The following NRG1 variants were observed in gnomAD, a reference collection of about 807,000 sequenced individuals.
The protein encoded by NRG1 is neuregulin 1.
Under a neutral mutation model 63.8 loss-of-function variants are expected in NRG1, and 18 were observed. The ratio of observed to expected loss-of-function variants is 0.28; its 90% CI spans 0.19 to 0.42. The LOEUF is 0.42. NRG1 is among the 10% of genes least tolerant of loss of function. The pLI, the probability that NRG1 is intolerant of heterozygous loss-of-function variation, is 1.00. For missense variants in NRG1, 762 were observed against 814.7 expected, an observed-to-expected ratio of 0.94 and a Z score of 0.79; for synonymous variants, 302 against 301.3, an observed-to-expected ratio of 1.00 and a Z score of -0.02.
intron 7 of NRG1, among the ~76,000 whole-genome samples, chr8:32,751,814 C>A (rs1828791788): frequency 6.6e-6 from 1 of 152,112 alleles, no homozygotes; most frequent in Non-Finnish European, 1.5e-5. Context: ...AGAAAGAATG[C>A]ACCCGTCATC....
At chr8:31,880,422 G>A (rs534854245) in intron 1 of NRG1, among the ~76,000 whole-genome samples, 28 of 152,182 alleles carry the variant, frequency 1.8e-4, no homozygotes, top group Non-Finnish European at 3.1e-4. Flanking sequence ...CTTACCAGCC[G>A]TGTGATTTTA....
At position 32,507,818 on chromosome 8, in the gene NRG1, C is replaced by A. The variant is rs370115233; in HGVS notation, c.38-88010C>A. 2.3e-4 allele frequency among the ~76,000 whole-genome samples: 35 copies of A among 152,202 alleles called. No homozygotes were observed. The East Asian group carries it at 6.6e-3, about 29-fold the overall frequency. Reference sequence around the variant, plus strand: ...GTTCAAGCAATTCTCATGCCTCAGCCTCCCAAGTAGCTGGGATTACAGGCA... The same window carrying A: ...GTTCAAGCAATTCTCATGCCTCAGCATCCCAAGTAGCTGGGATTACAGGCA... On this transcript the variant is annotated intron_variant, in intron 1 of 10. Transcript: ENST00000519301.
chr8:32,603,083 A>G (rs1844649327), intron 2 of NRG1, among the ~76,000 whole-genome samples: 1 of 152,224 alleles, frequency 6.6e-6, no homozygotes, highest in East Asian at 1.9e-4. Flanking sequence ...AAGCTTTCCT[A>G]TGAATAATGT....
rs1227536899 is a variant in NRG1, at chr8:32,170,691, GGGATA to G, written c.38-425134_38-425130del. On this transcript the variant is annotated intron_variant, in intron 1 of 10. Transcript: ENST00000519301. ...CTATTTAAGGTGTTCAACTAACTTA[GGGATA>G]GGTTGATGGCCAAACAAAGAAGGTT... Among the ~76,000 whole-genome samples, 8 of 152,180 alleles carry G rather than the reference GGGATA, an allele frequency of 5.3e-5. No homozygotes were observed. In the South Asian group the frequency reaches 1.4e-3, roughly 28 times the overall value.
chr8:32,121,874 A>G (rs930636206), intron 1 of NRG1, among the ~76,000 whole-genome samples: 1 of 152,088 alleles, frequency 6.6e-6, no homozygotes, highest in Admixed American at 6.6e-5. Flanking sequence ...AAATATAGAC[A>G]GAGAAAAGGG....
Position 32,272,604 on chromosome 8 carries a change from A to G in NRG1, c.38-323224A>G, listed in dbSNP as rs577378714. Among the ~76,000 whole-genome samples, 6 of 152,288 alleles carry G rather than the reference A, an allele frequency of 3.9e-5. No homozygotes were observed. The East Asian group carries it at 9.7e-4, about 25-fold the overall frequency. ...CCAGGAGACAACTGAGAGGACACTGAGTTTAGAACATTGGATCAGGCATTG... is the reference window on the plus strand; with the variant it reads ...CCAGGAGACAACTGAGAGGACACTGGGTTTAGAACATTGGATCAGGCATTG... On this transcript the variant is annotated intron_variant, in intron 1 of 10. Coordinates refer to the NRG1 transcript ENST00000519301.
intron 1 of NRG1, among the ~76,000 whole-genome samples, chr8:32,302,123 A>G (rs1208425311): frequency 2.0e-5 from 3 of 152,194 alleles, no homozygotes; most frequent in African/African-American, 7.2e-5. Context: ...AAGATGGATT[A>G]GGTAGACCTC....
chr8:32,762,948 C>T (rs1243065562), intron 11 of NRG1, among the ~76,000 whole-genome samples: 1 of 152,090 alleles, frequency 6.6e-6, no homozygotes, highest in East Asian at 1.9e-4. Context: ...CTTGAGGCAT[C>T]ATGAAAGAGA....
chr8:31,858,123 C>A (rs867232646), intron 1 of NRG1, among the ~76,000 whole-genome samples: 1 of 152,090 alleles, frequency 6.6e-6, no homozygotes, highest in Non-Finnish European at 1.5e-5. Flanking sequence ...CACAGTGAAA[C>A]CCTGTCTGTA....
chr8:32,079,392 A>G (rs1827105684), intron 1 of NRG1, among the ~76,000 whole-genome samples: 1 of 152,132 alleles, frequency 6.6e-6, no homozygotes, highest in Admixed American at 6.6e-5. Context: ...ACTTTACATA[A>G]ATTACTCCTA....
intron 1 of NRG1, among the ~76,000 whole-genome samples, chr8:31,771,727 G>A (rs186872217): frequency 2.6e-5 from 4 of 152,290 alleles, no homozygotes; most frequent in African/African-American, 9.6e-5. Context: ...CATGGCTATA[G>A]TTTCAGAATT....
At chr8:31,851,742 A>G (rs1416745708) in intron 1 of NRG1, among the ~76,000 whole-genome samples, 2 of 141,404 alleles carry the variant, frequency 1.4e-5, no homozygotes, top group East Asian at 2.2e-4. Flanking sequence ...ATATCTCCCA[A>G]TGCCATCCCT....
chr8:31,829,162 T>G (rs188765427), intron 1 of NRG1, among the ~76,000 whole-genome samples: 8 of 152,212 alleles, frequency 5.3e-5, no homozygotes, highest in Middle Eastern at 3.2e-3. Flanking sequence ...CTTCTAGAAT[T>G]GTCTTAATGC....
At chr8:32,461,091 C>T (rs1439409502) in intron 1 of NRG1, among the ~76,000 whole-genome samples, 4 of 152,048 alleles carry the variant, frequency 2.6e-5, no homozygotes, top group Admixed American at 6.6e-5. Flanking sequence ...TTTCTCTATT[C>T]TCAGTAAAAT....
At chr8:32,547,075 CAAG>C (rs983918411), upstream of NRG1, among the ~76,000 whole-genome samples, 6 of 152,312 alleles carry the variant, frequency 3.9e-5, no homozygotes, top group Admixed American at 3.9e-4. Flanking sequence ...GACCACAACA[CAAG>C]AGTATTTCAC....
intron 1 of NRG1, among the ~76,000 whole-genome samples, chr8:31,643,412 C>A (rs1269909061): frequency 1.3e-5 from 2 of 152,246 alleles, no homozygotes; most frequent in African/African-American, 4.8e-5. Flanking sequence ...ACACATGCAA[C>A]AGATTAGCCT....
Position 32,725,464 on chromosome 8 carries a change from A to ATTTTTTTTTTTTTTTTTTTTTTTT in NRG1, c.503-2479_503-2456dup, listed in dbSNP as rs71209904. Among the ~76,000 whole-genome samples the ATTTTTTTTTTTTTTTTTTTTTTTT allele has an allele frequency of 4.4e-5, 3 of 67,582 alleles. 1 individual carries two copies. The highest frequency in any genetic ancestry group is 1.3e-3 in the East Asian group (2 of 1,574). 44.3% of individuals were successfully genotyped at this position (67,582 alleles called of 152,430 possible). A position where few individuals can be genotyped will look rare whatever the true frequency, so the allele number is the denominator to read the frequency against. On this transcript the variant is annotated intron_variant, in intron 5 of 11. Coordinates refer to ENST00000356819, the Ensembl canonical transcript of NRG1. ...TTTAACATTCGAGGCAAACTTCCTA[A>ATTTTTTTTTTTTTTTTTTTTTTTT]TTTTTTTTTTTTTTTTTTTTTTTTT... is the stretch of plus-strand genomic sequence containing the variant.
chr8:32,481,752 T>G (rs1587895408), intron 1 of NRG1, among the ~76,000 whole-genome samples: 1 of 152,218 alleles, frequency 6.6e-6, no homozygotes, highest in African/African-American at 2.4e-5. Flanking sequence ...TTCATAACAG[T>G]GTTTTGTGGA....
intron 1 of NRG1, among the ~76,000 whole-genome samples, chr8:31,661,557 GA>G (rs1405086215): frequency 4.6e-5 from 7 of 152,156 alleles, no homozygotes; most frequent in African/African-American, 1.7e-4. Context: ...TCATTCATTT[GA>G]AATGAACCTG....
Sources: allele counts gnomAD v4.1 joint callset (sites outside exome capture counted in the v4.1 genomes callset), GRCh38; gene constraint gnomAD v4.1.1; transcripts MANE v1.5; gene names NCBI Gene and HGNC (gene_info 2026-07-23, HGNC 2026-07-21).